The following MALT1 variants were observed in gnomAD, a reference collection of about 807,000 sequenced individuals.
The protein encoded by MALT1 is MALT1 paracaspase.
A neutral mutation model predicts 85.5 loss-of-function variants in MALT1; 36 were observed. The observed-to-expected ratio is 0.42, with a 90% CI of 0.32 to 0.56. The LOEUF is 0.56. MALT1 is among the 20% of genes least tolerant of loss of function. The pLI is 0.10. For synonymous variants in MALT1, 359 were observed against 361.3 expected, an observed-to-expected ratio of 0.99 and a Z score of 0.07; for missense variants, 716 against 981.6, an observed-to-expected ratio of 0.73 and a Z score of 3.62.
chr18:58,742,556 A>C (rs1568156138), intron 14 of MALT1, among the ~76,000 whole-genome samples: 1 of 152,050 alleles, frequency 6.6e-6, no homozygotes, highest in Non-Finnish European at 1.5e-5. Context: ...AAAATACAAA[A>C]AGTTAGCGGG....
chr18:58,730,438 T>C (rs75659866), intron 10 of MALT1, among the ~76,000 whole-genome samples: 1 of 152,188 alleles, frequency 6.6e-6, no homozygotes, highest in Non-Finnish European at 1.5e-5. Context: ...CTTCTTTCAC[T>C]TCACATGTTT....
At chr18:58,732,554 A>G (rs974632265) in intron 10 of MALT1, among the ~76,000 whole-genome samples, 9 of 152,138 alleles carry the variant, frequency 5.9e-5, no homozygotes, top group African/African-American at 2.2e-4. Flanking sequence ...ATAACCCTTA[A>G]CTGTTTATGG....
intron 1 of MALT1, chr18:58,672,841 G>C (rs2054185317): frequency 6.6e-6 from 1 of 152,128 alleles, no homozygotes; most frequent in African/African-American, 2.4e-5. Flanking sequence ...CAGAACGCTG[G>C]AAACTGCAGT....
intron 13 of MALT1, among the ~76,000 whole-genome samples, chr18:58,739,826 CACACGTGT>C (rs2055277568): frequency 6.8e-6 from 1 of 147,400 alleles, no homozygotes; most frequent in African/African-American, 2.6e-5. Flanking sequence ...CACACACACA[CACACGTGT>C]ACGTGTACAC....
At chr18:58,684,473 T>C (rs2144318878) in intron 2 of MALT1, among the ~76,000 whole-genome samples, 1 of 144,372 alleles carries the variant, frequency 6.9e-6, no homozygotes, top group Middle Eastern at 3.7e-3. Context: ...TGAGATGGAG[T>C]TTTGCTCTTC....
intron 13 of MALT1, among the ~76,000 whole-genome samples, chr18:58,739,608 A>C (rs967738938): frequency 6.6e-6 from 1 of 152,346 alleles, no homozygotes; most frequent in Admixed American, 6.5e-5. Flanking sequence ...TCATTCAGTT[A>C]GCTGAAGGCC....
chr18:58,694,561 C>T (rs1300686460), intron 2 of MALT1, among the ~76,000 whole-genome samples: 3 of 152,228 alleles, frequency 2.0e-5, no homozygotes, highest in Non-Finnish European at 4.4e-5. Context: ...TAAAAGCCAG[C>T]TAACCCAGTT....
At chr18:58,687,244 A>G (rs1422740535) in intron 2 of MALT1, among the ~76,000 whole-genome samples, 1 of 152,232 alleles carries the variant, frequency 6.6e-6, no homozygotes, top group Non-Finnish European at 1.5e-5. Flanking sequence ...GCATGAGGAT[A>G]AGGAATAAGT....
intron 2 of MALT1, among the ~76,000 whole-genome samples, chr18:58,686,691 T>G (rs924943255): frequency 6.6e-6 from 1 of 152,266 alleles, no homozygotes; most frequent in African/African-American, 2.4e-5. Flanking sequence ...TTTCATACCT[T>G]TTTTTCTCAG....
rs1055720350 is a variant in MALT1, at chr18:58,671,470, T to G, written c.-174T>G. 15 of 403,224 alleles carry G rather than the reference T, an allele frequency of 3.7e-5. No individual in the cohort carries two copies. The highest frequency in any genetic ancestry group is 5.8e-5 in the Non-Finnish European group (14 of 242,438). The allele number at this position is 403,224 out of a possible 1,614,324, so 25.0% of individuals were successfully genotyped here. On this transcript the variant is annotated 5_prime_UTR_variant, in exon 1 of 17. Coordinates refer to ENST00000649217, the MANE Select transcript of MALT1 (RefSeq NM_006785.4). ...CAGGCCAGGCTCCCCTCGGCAAACCTGTCTAATTGGGGCGGGGAGCGGAGC... is the reference window on the plus strand; with the variant it reads ...CAGGCCAGGCTCCCCTCGGCAAACCGGTCTAATTGGGGCGGGGAGCGGAGC...
At chr18:58,708,742 TATTC>T (rs995334803) in intron 4 of MALT1, among the ~76,000 whole-genome samples, 9 of 152,232 alleles carry the variant, frequency 5.9e-5, no homozygotes, top group Non-Finnish European at 1.2e-4. Context: ...AGTGGAATCA[TATTC>T]ATTCAATGAA....
chr18:58,682,748 C>G (rs1248187941), intron 2 of MALT1, among the ~76,000 whole-genome samples: 1 of 152,188 alleles, frequency 6.6e-6, no homozygotes, highest in East Asian at 1.9e-4. Flanking sequence ...GTAGCAGATA[C>G]TGGGGAGGTA....
At position 58,747,484 on chromosome 18, in the gene MALT1, A is replaced by G. The variant is rs865845840; in HGVS notation, c.2117A>G (p.Asn706Ser). ...EDTVEDKQEV[N>S]VGKPLIAKLD... ...ACTGTAGAGGACAAGCAGGAAGTGA[A>G]TGTTGGGAAACCTCTCATTGCTAAA... The change falls in exon 17 of 17, where the codon AAT becomes AGT. Residue 706 changes from asparagine (N) to serine (S), a missense_variant. Physicochemically the swap from Asn to Ser is conservative, Grantham distance 46 (BLOSUM62 1). This residue lies in a region of MALT1 where 260 missense variants were observed against 323.7 expected (regional missense o/e 0.80). Coordinates refer to ENST00000649217, the MANE Select transcript of MALT1 (RefSeq NM_006785.4). The G allele has an allele frequency of 1.5e-5, 24 of 1,613,982 alleles. No individual in the cohort carries two copies. In the Middle Eastern group the frequency reaches 3.5e-3, roughly 233 times the overall value.
intron 7 of MALT1, among the ~76,000 whole-genome samples, chr18:58,711,857 T>C (rs1454557155): frequency 2.0e-5 from 3 of 152,224 alleles, no homozygotes; most frequent in Non-Finnish European, 4.4e-5. Context: ...ACAAGAATTC[T>C]CTCTTGTAAG....
intron 7 of MALT1, 65 bp downstream of exon 7, chr18:58,711,018 G>C: frequency 8.2e-7 from 1 of 1,221,808 alleles, no homozygotes; most frequent in Non-Finnish European, 1.2e-6. Context: ...GATTGGTGGA[G>C]TGCTTTTAGC....
intron 1 of MALT1, among the ~76,000 whole-genome samples, chr18:58,676,415 A>AT (rs35538333): frequency 0.12 from 18,172 of 152,028 alleles, 1,627 homozygotes; most frequent in African/African-American, 0.26. Context: ...TAAAAACACC[A>AT]TTAGCTACCA....
rs1167756568 is a variant in MALT1, at chr18:58,747,952, T to C, written c.*110T>C. 1 of 758,294 alleles carries C rather than the reference T, an allele frequency of 1.3e-6. No individual in the cohort carries two copies. The highest frequency in any genetic ancestry group is 1.7e-5 in the African/African-American group (1 of 57,396). The allele number at this position is 758,294 out of a possible 1,614,324, so 47.0% of individuals were successfully genotyped here. ...CAAATTTGTATATGTAGAGAAAGAA[T>C]AGTAGTAACTGTTTCATAGCAAACT... On this transcript the variant is annotated 3_prime_UTR_variant, in exon 17 of 17. Transcript: ENST00000649217.
Position 58,714,113 on chromosome 18 carries a change from A to T in MALT1, c.985+4A>T, listed in dbSNP as rs1354282618. ...TTAAATAATCTTGGTCATCCTGGTG[A>T]GTAATACAAACATAAAACTTTAGTT... On this transcript the variant is annotated splice_donor_region_variant and intron_variant, in intron 8 of 16. Coordinates refer to ENST00000649217, the MANE Select transcript of MALT1 (RefSeq NM_006785.4). The T allele has an allele frequency of 8.0e-7, 1 of 1,256,804 alleles. No homozygotes were observed. The highest frequency in any genetic ancestry group is 1.2e-5 in the South Asian group (1 of 80,268). 77.9% of individuals were successfully genotyped at this position (1,256,804 alleles called of 1,614,324 possible). A position where few individuals can be genotyped will look rare whatever the true frequency, so the allele number is the denominator to read the frequency against.
At chr18:58,744,620 T>TTA (rs1396736639) in intron 15 of MALT1, 125 bp downstream of exon 15, 14 of 371,236 alleles carry the variant, frequency 3.8e-5, no homozygotes, top group African/African-American at 6.4e-5. Flanking sequence ...GTGTATATAT[T>TTA]TATAGTTTAG....
Sources: allele counts gnomAD v4.1 joint callset (sites outside exome capture counted in the v4.1 genomes callset), GRCh38; gene constraint gnomAD v4.1.1; regional missense constraint gnomAD v4.1.1; transcripts MANE v1.5; gene names NCBI Gene and HGNC (gene_info 2026-07-23, HGNC 2026-07-21).